The following TULP4 variants were observed in gnomAD, a reference collection of about 807,000 sequenced individuals.
The protein encoded by TULP4 is TUB like protein 4.
In TULP4, 16 loss-of-function variants were observed where a neutral mutation model predicts 129.0. That is an observed-to-expected ratio of 0.12 (90% CI 0.08 to 0.19). The LOEUF (loss-of-function observed/expected upper bound fraction) is 0.19. TULP4 is among the 10% of genes least tolerant of loss of function. TULP4 has a pLI of 1.00. For synonymous variants in TULP4, 998 were observed against 854.0 expected (o/e 1.17, Z -2.94); for missense variants, 1,842 against 2,059.1 (o/e 0.89, Z 2.04).
At chr6:158,415,272 C>T (rs755766564) in intron 2 of TULP4, among the ~76,000 whole-genome samples, 1 of 151,920 alleles carries the variant, frequency 6.6e-6, no homozygotes, top group Non-Finnish European at 1.5e-5. Flanking sequence ...TAGTACAGTC[C>T]ATAATGCTTG....
intron 1 of TULP4, among the ~76,000 whole-genome samples, chr6:158,287,469 A>T (rs1562506415): frequency 6.6e-6 from 1 of 152,224 alleles, no homozygotes; most frequent in African/African-American, 2.4e-5. Context: ...ATATATACGT[A>T]CATTTTGCTT....
intron 3 of TULP4, among the ~76,000 whole-genome samples, chr6:158,445,677 T>G (rs115498115): frequency 2.5e-3 from 376 of 152,308 alleles, no homozygotes; most frequent in African/African-American, 8.7e-3. Flanking sequence ...AACCAGCTGA[T>G]GTACTAGACA....
At chr6:158,495,673 T>A (rs557236622) in intron 11 of TULP4, among the ~76,000 whole-genome samples, 2 of 152,204 alleles carry the variant, frequency 1.3e-5, no homozygotes, top group Admixed American at 6.5e-5. Context: ...AGAACCTTTC[T>A]CTTCTAAAAA....
rs543486267 is a variant in TULP4, at chr6:158,365,722, T to C, written c.253-47343T>C. 8.4e-4 allele frequency among the ~76,000 whole-genome samples: 128 copies of C among 151,578 alleles called. 1 individual carries two copies. The highest frequency in any genetic ancestry group is 2.7e-3 in the African/African-American group (111 of 41,330). Reference sequence around the variant, plus strand: ...TCCTGACCTTGTGATCCGCCCGCCTTGGCCTCCCAAAATGCTGGGATTACA... The same window carrying C: ...TCCTGACCTTGTGATCCGCCCGCCTCGGCCTCCCAAAATGCTGGGATTACA... On this transcript the variant is annotated intron_variant, in intron 1 of 13. Coordinates refer to ENST00000367097, the MANE Select transcript of TULP4 (RefSeq NM_020245.5).
chr6:158,396,683 C>T (rs1386869937), intron 1 of TULP4, among the ~76,000 whole-genome samples: 1 of 151,914 alleles, frequency 6.6e-6, no homozygotes, highest in Non-Finnish European at 1.5e-5. Context: ...CCATCATAAC[C>T]CCACTTCCTA....
chr6:158,408,751 A>G lies in TULP4; in HGVS notation c.253-4314A>G, dbSNP rs115140243. On this transcript the variant is annotated intron_variant, in intron 1 of 13. Transcript: ENST00000367097. ...TCTGGGGGCAGCAGTCTGCAGAACC[A>G]TTGTTCTAGTTGAATTTCTTCCAGC... 4.5e-3 allele frequency among the ~76,000 whole-genome samples: 686 copies of G among 152,302 alleles called. 7 individuals are homozygous for G. The highest frequency in any genetic ancestry group is 0.016 in the African/African-American group (664 of 41,574).
intron 4 of TULP4, among the ~76,000 whole-genome samples, chr6:158,449,579 A>G (rs1779124321): frequency 6.6e-6 from 1 of 152,062 alleles, no homozygotes; most frequent in Non-Finnish European, 1.5e-5. Context: ...CAATGTTATT[A>G]AAGCCCGCGG....
At position 158,313,475 on chromosome 6, in the gene TULP4, T is replaced by A. The variant is rs1190687354; in HGVS notation, c.-542T>A. ...CTAGTTCAGGAAACATGCTAGAGGG[T>A]GGCTTCAGAAGGAAGATGATCCTGT... On this transcript the variant is annotated 5_prime_UTR_variant, in exon 1 of 14. Transcript: ENST00000367097. The A allele has an allele frequency of 2.5e-6, 1 of 399,874 alleles. No homozygotes were observed. Among genetic ancestry groups the A allele is most frequent in the East Asian group, 3.6e-5 (1 of 28,098 alleles). 24.8% of individuals were successfully genotyped at this position (399,874 alleles called of 1,614,324 possible).
At position 158,292,356 on chromosome 6, in the gene TULP4, C is replaced by T. The variant is rs538795836; in HGVS notation, n.116+9978C>T. Among the ~76,000 whole-genome samples the T allele has an allele frequency of 8.5e-5, 13 of 152,286 alleles. No homozygotes were observed. The South Asian group carries it at 2.5e-3, about 29-fold the overall frequency. On this transcript the variant is annotated intron_variant and non_coding_transcript_variant, in intron 1 of 1. Transcript: ENST00000432358. The stretch of plus-strand genomic sequence containing the variant: ...CTGTGACTATTGGTCACCCTAATTC[C>T]GATTCCAGTGCTTGTTTTGTATCCG...
chr6:158,492,172 C>T (rs1419971349), intron 9 of TULP4, among the ~76,000 whole-genome samples: 1 of 152,132 alleles, frequency 6.6e-6, no homozygotes, highest in African/African-American at 2.4e-5. Flanking sequence ...GTTCTTTCTT[C>T]TAGATTTGAA....
chr6:158,382,167 TA>T (rs1777342779), intron 1 of TULP4, among the ~76,000 whole-genome samples: 1 of 152,142 alleles, frequency 6.6e-6, no homozygotes, highest in South Asian at 2.1e-4. Flanking sequence ...CTGTCATGAG[TA>T]AAACCTTAAG....
chr6:158,451,775 C>T (rs1779165991), intron 4 of TULP4, among the ~76,000 whole-genome samples: 1 of 152,270 alleles, frequency 6.6e-6, no homozygotes, highest in Non-Finnish European at 1.5e-5. Flanking sequence ...CCTCCTCCTA[C>T]CATCCTTGGA....
intron 1 of TULP4, among the ~76,000 whole-genome samples, chr6:158,324,182 C>T (rs1395921926): frequency 6.6e-6 from 1 of 152,182 alleles, no homozygotes; most frequent in African/African-American, 2.4e-5. Flanking sequence ...AGTGGGAACA[C>T]TGAGAGAAAG....
chr6:158,354,809 G>A (rs1780606798), intron 1 of TULP4, among the ~76,000 whole-genome samples: 1 of 147,636 alleles, frequency 6.8e-6, no homozygotes, highest in Non-Finnish European at 1.5e-5. Flanking sequence ...GATTGCTTGG[G>A]CCCAGGAGTT....
intron 1 of TULP4, among the ~76,000 whole-genome samples, chr6:158,349,470 C>T (rs1780432371): frequency 2.9e-5 from 4 of 138,524 alleles, no homozygotes; most frequent in Admixed American, 2.2e-4. Context: ...TCCTCACCTC[C>T]CAGATGGGTT....
At chr6:158,243,857 T>C (rs1374507655) in intron 1 of TULP4, among the ~76,000 whole-genome samples, 1 of 150,202 alleles carries the variant, frequency 6.7e-6, no homozygotes, top group Non-Finnish European at 1.5e-5. Flanking sequence ...GGTGTGTGTG[T>C]GTGTGTGTGT....
intron 1 of TULP4, among the ~76,000 whole-genome samples, chr6:158,409,278 C>A (rs1050657550): frequency 6.6e-6 from 1 of 152,118 alleles, no homozygotes; most frequent in Non-Finnish European, 1.5e-5. Flanking sequence ...TAGTAACACT[C>A]TAAAATGAGA....
chr6:158,498,750 A>C lies in TULP4; in HGVS notation c.1952A>C (p.Asp651Ala). Reference protein sequence around the residue: ...YLPEVRKISMDYINLPVFNPN... With the variant: ...YLPEVRKISMAYINLPVFNPN... ...CCAGAAGTTCGGAAAATTTCCATGG[A>C]CTATATTAATTTACCTGTCTTCAAC... Residue 651 changes from aspartate to alanine, a missense_variant, in exon 12 of 14, where the codon GAC becomes GCC. By Grantham distance (126) the Asp-to-Ala change is moderately radical. Transcript: ENST00000367097. 6.2e-7 allele frequency: 1 copy of C among 1,614,154 alleles called. No individual in the cohort carries two copies. Among genetic ancestry groups the C allele is most frequent in the Non-Finnish European group, 8.5e-7 (1 of 1,180,024 alleles).
intron 1 of TULP4, among the ~76,000 whole-genome samples, chr6:158,289,042 C>A (rs827861): frequency 0.46 from 70,286 of 151,878 alleles, 16,570 homozygotes; most frequent in East Asian, 0.54. Flanking sequence ...CGTTTGTAAA[C>A]TATATGGCCT....
Sources: allele counts gnomAD v4.1 joint callset (sites outside exome capture counted in the v4.1 genomes callset), GRCh38; gene constraint gnomAD v4.1.1; transcripts MANE v1.5; gene names NCBI Gene and HGNC (gene_info 2026-07-23, HGNC 2026-07-21).